Variants in EML6 observed in about 807,000 individuals in gnomAD.
EML6 encodes echinoderm microtubule-associated protein-like 6.
In EML6, 154 loss-of-function variants were observed where a neutral mutation model predicts 240.1. The ratio of observed to expected loss-of-function variants is 0.64; its 90% CI spans 0.56 to 0.73. The LOEUF is 0.73. Ranked by LOEUF, EML6 falls within the 30% of genes least tolerant of loss-of-function variation. The pLI, the probability that EML6 is intolerant of heterozygous loss-of-function variation, is 0.00. For synonymous variants in EML6, 1,148 were observed against 899.0 expected, an observed-to-expected ratio of 1.28 and a Z score of -4.95; for missense variants, 2,964 against 2,474.6, an observed-to-expected ratio of 1.20 and a Z score of -4.20.
Position 54,919,712 on chromosome 2 carries a change from A to C in EML6, c.3675+2777A>C, listed in dbSNP as rs1291203224. Reference sequence around the variant, plus strand: ...AGTAGACCAAGGTTTTGGAGCAGCTATTTAGATAACTAAATCCCCCACAGT... The same window carrying C: ...AGTAGACCAAGGTTTTGGAGCAGCTCTTTAGATAACTAAATCCCCCACAGT... On this transcript the variant is annotated intron_variant, in intron 26 of 41. Transcript: ENST00000356458. Among the ~76,000 whole-genome samples, 5 of 152,222 alleles carry C rather than the reference A, an allele frequency of 3.3e-5. No individual in the cohort carries two copies. The South Asian group carries it at 8.3e-4, about 25-fold the overall frequency.
intron 2 of EML6, among the ~76,000 whole-genome samples, chr2:54,777,425 C>G (rs1212065404): frequency 6.6e-6 from 1 of 152,146 alleles, no homozygotes; most frequent in East Asian, 1.9e-4. Context: ...CTTTGGGTTC[C>G]ATGTAAATCT....
In EML6 at chr2:54,844,038, T is replaced by G; in HGVS notation, c.848-9T>G. Reference sequence around the variant, plus strand: ...GAAGATTTGCTTTTGTTTTACTTATTTTTGTCAGGCCTCTCTATCCGGAGC... The same window carrying G: ...GAAGATTTGCTTTTGTTTTACTTATGTTTGTCAGGCCTCTCTATCCGGAGC... On this transcript the variant is annotated splice_polypyrimidine_tract_variant and intron_variant, in intron 7 of 41. Transcript: ENST00000356458. The G allele has an allele frequency of 6.5e-7, 1 of 1,550,060 alleles. No homozygotes were observed.
At chr2:54,969,934 G>C (rs13387710) in intron 41 of EML6, 137 bp from the exon 42 acceptor site, 73,157 of 868,254 alleles carry the variant, frequency 0.084, 4,586 homozygotes, top group African/African-American at 0.26. Flanking sequence ...CAAGATCCCT[G>C]GTTTACCTTT....
chr2:54,760,797 C>T (rs920833353), intron 2 of EML6, among the ~76,000 whole-genome samples: 1 of 150,132 alleles, frequency 6.7e-6, no homozygotes, highest in Non-Finnish European at 1.5e-5. Context: ...ATTCTCTCTC[C>T]CCATTGCTTT....
intron 17 of EML6, chr2:54,880,522 A>G (rs940794090): frequency 1.3e-5 from 2 of 152,224 alleles, no homozygotes; most frequent in African/African-American, 2.4e-5. Flanking sequence ...ATAAATTGCT[A>G]GAGACCTGGA....
chr2:54,887,765 T>A (rs555477823), intron 17 of EML6, among the ~76,000 whole-genome samples: 5 of 152,150 alleles, frequency 3.3e-5, no homozygotes, highest in Non-Finnish European at 7.4e-5. Context: ...ATTTTATATT[T>A]TAGAGTGGTT....
In EML6 at chr2:54,755,124, T is replaced by A. The variant is rs145541382; in HGVS notation, c.197+29866T>A. 2.3e-3 allele frequency among the ~76,000 whole-genome samples: 344 copies of A among 152,314 alleles called. 1 individual carries two copies. The highest frequency in any genetic ancestry group is 7.7e-3 in the African/African-American group (318 of 41,554). ...AATACAGATATACAGTTAACCCAGA[T>A]CTATTATTGAAAAGATCATTTTTTA... On this transcript the variant is annotated intron_variant, in intron 2 of 41. Coordinates refer to ENST00000356458, the MANE Select transcript of EML6 (RefSeq NM_001039753.4).
chr2:54,956,088 C>T (rs1031824816), intron 32 of EML6, among the ~76,000 whole-genome samples: 7 of 151,986 alleles, frequency 4.6e-5, no homozygotes, highest in Admixed American at 6.6e-5. Flanking sequence ...AAATCCATGT[C>T]GTCAGGTCCT....
chr2:54,850,361 G>A, intron 10 of EML6, 143 bp downstream of exon 10: 1 of 666,656 alleles, frequency 1.5e-6, no homozygotes, highest in Admixed American at 2.9e-5. Flanking sequence ...CCACCTCAGG[G>A]CAAGGAATGT....
At chr2:54,965,375 A>G (rs1010767422) in intron 38 of EML6, among the ~76,000 whole-genome samples, 1 of 152,222 alleles carries the variant, frequency 6.6e-6, no homozygotes, top group African/African-American at 2.4e-5. Flanking sequence ...AGACTTTTAG[A>G]TGGACAAAAT....
chr2:54,824,636 A>G (rs1435479133), intron 5 of EML6, among the ~76,000 whole-genome samples: 4 of 152,214 alleles, frequency 2.6e-5, no homozygotes, highest in Admixed American at 6.5e-5. Context: ...GAAAATTGCA[A>G]TTATCTGAAA....
intron 2 of EML6, among the ~76,000 whole-genome samples, chr2:54,752,606 A>G (rs1004124646): frequency 2.6e-5 from 4 of 152,216 alleles, no homozygotes; most frequent in African/African-American, 9.6e-5. Flanking sequence ...AAATTCATGC[A>G]TGTTGTAGTA....
intron 2 of EML6, among the ~76,000 whole-genome samples, chr2:54,757,248 T>C (rs184068405): frequency 7.9e-5 from 12 of 152,280 alleles, no homozygotes; most frequent in Middle Eastern, 3.4e-3. Flanking sequence ...TCATCAGATG[T>C]TGGGCAGGCT....
At chr2:54,847,707 C>T (rs150714442) in intron 9 of EML6, 84 bp downstream of exon 9, 16,742 of 1,429,402 alleles carry the variant, frequency 0.012, 180 homozygotes, top group Middle Eastern at 0.022. Flanking sequence ...CATGCTAGGA[C>T]CTTAGGAAAA....
intron 41 of EML6, 79 bp downstream of exon 41, chr2:54,968,847 A>G: frequency 1.3e-6 from 1 of 757,104 alleles, no homozygotes; most frequent in South Asian, 1.6e-5. Flanking sequence ...CCCGTGGGTC[A>G]GCCTCTCCCA....
chr2:54,800,775 C>A (rs13416919), intron 2 of EML6, among the ~76,000 whole-genome samples: 1 of 151,646 alleles, frequency 6.6e-6, no homozygotes, highest in African/African-American at 2.4e-5. Flanking sequence ...AAAACCAATA[C>A]GGGGGAAGAG....
intron 2 of EML6, among the ~76,000 whole-genome samples, chr2:54,776,254 C>G (rs1203815741): frequency 6.6e-6 from 1 of 152,070 alleles, no homozygotes; most frequent in African/African-American, 2.4e-5. Flanking sequence ...CAACCAGAAA[C>G]AGAGACTAAG....
chr2:54,903,620 A>G (rs1242062692), intron 24 of EML6, 118 bp downstream of exon 24: 1 of 783,564 alleles, frequency 1.3e-6, no homozygotes, highest in African/African-American at 1.8e-5. Context: ...GAATCCCACA[A>G]CAATATAAAC....
chr2:54,815,659 T>C (rs184552492), intron 3 of EML6, among the ~76,000 whole-genome samples: 4 of 152,276 alleles, frequency 2.6e-5, no homozygotes, highest in African/African-American at 4.8e-5. Context: ...TAAAAAATTA[T>C]AGCAAAGAAA....
Sources: allele counts gnomAD v4.1 joint callset (sites outside exome capture counted in the v4.1 genomes callset), GRCh38; gene constraint gnomAD v4.1.1; transcripts MANE v1.5; gene names NCBI Gene and HGNC (gene_info 2026-07-23, HGNC 2026-07-21).